The following CLCN3 variants were observed in gnomAD, a reference collection of about 807,000 sequenced individuals.
CLCN3 encodes H(+)/Cl(-) exchange transporter 3.
Under a neutral mutation model 83.4 loss-of-function variants are expected in CLCN3, and 16 were observed. The ratio of observed to expected loss-of-function variants is 0.19; its 90% CI spans 0.13 to 0.29. The LOEUF is 0.29. Among genes scored for constraint, CLCN3 ranks in the 10% least tolerant of loss-of-function variants. The pLI is 1.00. For synonymous variants in CLCN3, 322 were observed against 346.2 expected (o/e 0.93, Z 0.78); for missense variants, 544 against 1,006.0 (o/e 0.54, Z 6.21).
In CLCN3 at chr4:169,721,623, T is replaced by C. The variant is rs1266028779; in HGVS notation, c.*1626T>C. 6.6e-6 allele frequency: 1 copy of C among 152,240 alleles called. No homozygotes were observed. Among genetic ancestry groups the C allele is most frequent in the Non-Finnish European group, 1.5e-5 (1 of 68,048 alleles). 9.4% of individuals were successfully genotyped at this position (152,240 alleles called of 1,614,324 possible). A position where few individuals can be genotyped will look rare whatever the true frequency, so the allele number is the denominator to read the frequency against. On this transcript the variant is annotated 3_prime_UTR_variant, in exon 13 of 13. Coordinates refer to ENST00000513761, the MANE Select transcript of CLCN3 (RefSeq NM_001829.4). ...TGAAAATAACCTTTGAATCTCGGGC[T>C]AGGTTACGTCCATATTTGAAGTGGT... is the stretch of plus-strand genomic sequence containing the variant.
chr4:169,672,220 T>TGATAGATAGATAGATA (rs70964217), intron 2 of CLCN3, among the ~76,000 whole-genome samples: 25,608 of 145,268 alleles, frequency 0.18, 2,592 homozygotes, highest in Non-Finnish European at 0.21. Flanking sequence ...TCAAAATAAA[T>TGATAGATAGATAGATA]GATAGATAGA....
intron 2 of CLCN3, among the ~76,000 whole-genome samples, chr4:169,649,555 C>G (rs1280582099): frequency 6.6e-6 from 1 of 152,100 alleles, no homozygotes; most frequent in Non-Finnish European, 1.5e-5. Context: ...GCCAGATATA[C>G]TGATTGTTTT....
intron 9 of CLCN3, among the ~76,000 whole-genome samples, chr4:169,699,748 G>T (rs1732703608): frequency 6.6e-6 from 1 of 152,050 alleles, no homozygotes; most frequent in Admixed American, 6.6e-5. Context: ...CAGGCGTGGT[G>T]GCAGGTGTCT....
chr4:169,624,726 G>A (rs1384706955), intron 1 of CLCN3, among the ~76,000 whole-genome samples: 1 of 152,080 alleles, frequency 6.6e-6, no homozygotes, highest in African/African-American at 2.4e-5. Context: ...ATAATTTCTG[G>A]TACATTGTTA....
At chr4:169,709,259 A>G (rs1581278920) in intron 11 of CLCN3, among the ~76,000 whole-genome samples, 1 of 151,592 alleles carries the variant, frequency 6.6e-6, no homozygotes, top group Admixed American at 6.6e-5. Flanking sequence ...ATAAAATAAG[A>G]TGGTTGACAT....
At chr4:169,667,975 G>A (rs1415087506) in intron 2 of CLCN3, among the ~76,000 whole-genome samples, 2 of 149,396 alleles carry the variant, frequency 1.3e-5, no homozygotes, top group African/African-American at 2.5e-5. Context: ...TCCTGACCTC[G>A]TGATCCACCT....
chr4:169,715,772 A>T (rs2150277821), intron 12 of CLCN3, among the ~76,000 whole-genome samples: 1 of 152,228 alleles, frequency 6.6e-6, no homozygotes, highest in Middle Eastern at 3.4e-3. Context: ...AATTTTTCAA[A>T]ATCAGTTAAT....
chr4:169,620,621 G>T lies in CLCN3; in HGVS notation c.-459G>T. 2 of 397,414 alleles carry T rather than the reference G, an allele frequency of 5.0e-6. No homozygotes were observed. Among genetic ancestry groups the T allele is most frequent in the Non-Finnish European group, 8.9e-6 (2 of 225,866 alleles). The allele number at this position is 397,414 out of a possible 1,614,324, so 24.6% of individuals were successfully genotyped here. On this transcript the variant is annotated 5_prime_UTR_variant, in exon 1 of 13. Coordinates refer to ENST00000513761, the MANE Select transcript of CLCN3 (RefSeq NM_001829.4). ...TCAGGGCCGGTCCGGTCCGGAACCT[G>T]CAGCCCCTTTCCCAGTGTTCTAGTT...
intron 2 of CLCN3, among the ~76,000 whole-genome samples, chr4:169,640,519 A>G (rs922836021): frequency 2.6e-5 from 4 of 152,230 alleles, no homozygotes; most frequent in Admixed American, 6.5e-5. Flanking sequence ...TAGTAGTATC[A>G]GTCAGAAATG....
At chr4:169,679,639 G>A (rs1405133982) in intron 2 of CLCN3, among the ~76,000 whole-genome samples, 7 of 152,186 alleles carry the variant, frequency 4.6e-5, no homozygotes, top group Non-Finnish European at 1.0e-4. Flanking sequence ...CTGCAATCCC[G>A]GCACCTTGGG....
At chr4:169,704,522 C>T (rs1732916711) in intron 10 of CLCN3, among the ~76,000 whole-genome samples, 1 of 152,160 alleles carries the variant, frequency 6.6e-6, no homozygotes, top group Non-Finnish European at 1.5e-5. Context: ...AGGATCTTGG[C>T]TTACCTATAA....
intron 2 of CLCN3, among the ~76,000 whole-genome samples, chr4:169,650,904 G>A (rs1440823711): frequency 6.6e-6 from 1 of 152,110 alleles, no homozygotes. Flanking sequence ...TAAGAGTAAG[G>A]TAATGCATTT....
intron 2 of CLCN3, among the ~76,000 whole-genome samples, chr4:169,668,034 C>T (rs904416072): frequency 1.5e-4 from 21 of 144,170 alleles, no homozygotes; most frequent in Admixed American, 5.0e-4. Context: ...CCACCGCGCC[C>T]GGCCAGACAT....
chr4:169,669,800 C>T (rs1169635217), intron 2 of CLCN3, among the ~76,000 whole-genome samples: 2 of 152,138 alleles, frequency 1.3e-5, no homozygotes, highest in African/African-American at 2.4e-5. Flanking sequence ...TTGCAGAAAC[C>T]CCTAAGCCTT....
chr4:169,670,498 A>G (rs181316185), intron 2 of CLCN3, among the ~76,000 whole-genome samples: 1 of 152,132 alleles, frequency 6.6e-6, no homozygotes, highest in Non-Finnish European at 1.5e-5. Context: ...TACCAGTACT[A>G]TGCTGTTTTG....
At chr4:169,717,801 G>A in intron 12 of CLCN3, 1 of 1,609,136 alleles carries the variant, frequency 6.2e-7, no homozygotes, top group Non-Finnish European at 8.5e-7. Flanking sequence ...GGATTGTCTT[G>A]GGGATCATCA....
chr4:169,640,172 C>T (rs1730364399), intron 2 of CLCN3, among the ~76,000 whole-genome samples: 1 of 152,194 alleles, frequency 6.6e-6, no homozygotes. Flanking sequence ...TTCTAGATTA[C>T]TTTCCCTTTG....
intron 2 of CLCN3, among the ~76,000 whole-genome samples, chr4:169,649,372 A>G (rs1464315607): frequency 6.6e-6 from 1 of 152,250 alleles, no homozygotes; most frequent in East Asian, 1.9e-4. Flanking sequence ...CAAGGGAATC[A>G]TACGAACTTT....
At chr4:169,673,214 C>T (rs1731546334) in intron 2 of CLCN3, among the ~76,000 whole-genome samples, 2 of 152,194 alleles carry the variant, frequency 1.3e-5, no homozygotes, top group East Asian at 3.8e-4. Context: ...TGAAATGTCA[C>T]ATACTAAAGT....
Sources: allele counts gnomAD v4.1 joint callset (sites outside exome capture counted in the v4.1 genomes callset), GRCh38; gene constraint gnomAD v4.1.1; transcripts MANE v1.5; gene names NCBI Gene and HGNC (gene_info 2026-07-23, HGNC 2026-07-21).